The following GGTLC1 variants were observed in gnomAD, a reference collection of about 807,000 sequenced individuals.
The protein encoded by GGTLC1 is gamma-glutamyltransferase light chain 1.
Under a neutral mutation model 19.5 loss-of-function variants are expected in GGTLC1, and 14 were observed. The observed-to-expected ratio is 0.72, with a 90% CI of 0.47 to 1.12. The LOEUF is 1.12. GGTLC1 is among the 50% of genes most tolerant of loss of function. The pLI, the probability that GGTLC1 is intolerant of heterozygous loss-of-function variation, is 0.00. For missense variants in GGTLC1, 304 were observed against 309.2 expected (o/e 0.98, Z 0.13); for synonymous variants, 110 against 124.2 (o/e 0.89, Z 0.76).
rs1987874699 is a variant in GGTLC1 at position 23,985,985 on chromosome 20, T to A, written c.305-11A>T. On this transcript the variant is annotated splice_polypyrimidine_tract_variant and intron_variant, in intron 3 of 5. Transcript: ENST00000335694. ...AGAGCGGCTGCTTCCCTGCGGCCAATGGGAGAAGACAGGGATGCCCGTCAG... is the reference window on the plus strand; with the variant it reads ...AGAGCGGCTGCTTCCCTGCGGCCAAAGGGAGAAGACAGGGATGCCCGTCAG... 3 of 1,611,796 alleles carry A rather than the reference T, an allele frequency of 1.9e-6. No homozygotes were observed. Among genetic ancestry groups the A allele is most frequent in the Non-Finnish European group, 2.5e-6 (3 of 1,179,832 alleles).
At position 23,985,336 on chromosome 20, in the gene GGTLC1, C is replaced by G. The variant is rs1434911964; in HGVS notation, c.558G>C (p.Arg186=). Reference sequence around the variant, plus strand: ...TGGACGTGATCTGGGTGTGATGGTGCCGGGTCTCCAGGGCTGCAGTCACTT... The same window carrying G: ...TGGACGTGATCTGGGTGTGATGGTGGCGGGTCTCCAGGGCTGCAGTCACTT... ...DQEVTAALET[R]HHHTQITSTF... The change falls in exon 6 of 6, where the codon CGG becomes CGC. Residue 186 remains arginine, a synonymous_variant. Coordinates refer to ENST00000335694, the MANE Select transcript of GGTLC1 (RefSeq NM_178311.3). 1 of 1,611,938 alleles carries G rather than the reference C, an allele frequency of 6.2e-7. No individual in the cohort carries two copies. The highest frequency in any genetic ancestry group is 8.5e-7 in the Non-Finnish European group (1 of 1,179,866).
intron 1 of GGTLC1, among the ~76,000 whole-genome samples, chr20:23,987,585 G>T (rs1213468676): frequency 6.6e-6 from 1 of 151,928 alleles, no homozygotes; most frequent in Non-Finnish European, 1.5e-5. Context: ...GCAAGGGCGG[G>T]CTGAGAGATG....
At position 23,986,194 on chromosome 20, in the gene GGTLC1, G is replaced by A. The variant is rs777865788; in HGVS notation, c.186C>T (p.Ser62=). Residue 62 remains serine, a synonymous_variant, in exon 3 of 6, where the codon TCC becomes TCT. Transcript: ENST00000335694. The stretch of plus-strand genomic sequence containing the variant: ...TCCCGCTGACTGGGGAGCGCACCTT[G>A]GAGCCAAAGCTATCGCCCAGCCAGG... ...ATSTINLYFG[S]KVRSPVSGIL... 1 of 1,610,476 alleles carries A rather than the reference G, an allele frequency of 6.2e-7. No homozygotes were observed. Among genetic ancestry groups the A allele is most frequent in the East Asian group, 2.2e-5 (1 of 44,856 alleles).
chr20:23,988,251 T>C (rs1374793745), intron 1 of GGTLC1, among the ~76,000 whole-genome samples: 1 of 151,540 alleles, frequency 6.6e-6, no homozygotes, highest in Non-Finnish European at 1.5e-5. Context: ...TTTCGCTATG[T>C]TGGCCAGGCT....
At chr20:23,986,247 C>A (rs544003351) in intron 2 of GGTLC1, 44 bp from the exon 3 acceptor site, 4 of 1,593,254 alleles carry the variant, frequency 2.5e-6, no homozygotes, top group Admixed American at 1.7e-5. Context: ...TTGCCTGGCC[C>A]AGCCTGGTCC....
Position 23,985,863 on chromosome 20 carries a change from A to G in GGTLC1, c.416T>C (p.Leu139Pro). 1 of 1,612,062 alleles carries G rather than the reference A, an allele frequency of 6.2e-7. No homozygotes were observed. Among genetic ancestry groups the G allele is most frequent in the Non-Finnish European group, 8.5e-7 (1 of 1,179,866 alleles). ...AGGGAGAAAAGGTGTGACACATACC[A>G]GTGCAGTGGCCATGGTGATCTGCGT... ...GGTQITMATALAIIYNLWFGY... is the reference protein window; with the variant it reads ...GGTQITMATAPAIIYNLWFGY... Residue 139 changes from leucine (L) to proline (P), a missense_variant and splice_region_variant, in exon 4 of 6, where the codon CTG becomes CCG. Coordinates refer to ENST00000335694, the MANE Select transcript of GGTLC1 (RefSeq NM_178311.3).
rs1186279470 is a variant in GGTLC1, at chr20:23,986,179, T to C, written c.201A>G (p.Pro67=). ...CATTATTGAGCAGGATCCCGCTGACTGGGGAGCGCACCTTGGAGCCAAAGC... is the reference window on the plus strand; with the variant it reads ...CATTATTGAGCAGGATCCCGCTGACCGGGGAGCGCACCTTGGAGCCAAAGC... The part of the protein sequence containing the change: ...NLYFGSKVRS[P]VSGILLNNEM... Residue 67 remains proline, a synonymous_variant, in exon 3 of 6, where the codon CCA becomes CCG. Coordinates refer to ENST00000335694, the MANE Select transcript of GGTLC1 (RefSeq NM_178311.3). The C allele has an allele frequency of 5.6e-6, 9 of 1,612,738 alleles. No homozygotes were observed. The highest frequency in any genetic ancestry group is 3.3e-5 in the Admixed American group (2 of 59,984).
Position 23,985,091 on chromosome 20 carries a change from C to T in GGTLC1, c.*125G>A. Reference sequence around the variant, plus strand: ...CAGGGAGGCCACCTGGAGCCTGGCACAGTGGCCTCATTTATTGTGCTGCTC... The same window carrying T: ...CAGGGAGGCCACCTGGAGCCTGGCATAGTGGCCTCATTTATTGTGCTGCTC... On this transcript the variant is annotated 3_prime_UTR_variant, in exon 6 of 6. Coordinates refer to ENST00000335694, the MANE Select transcript of GGTLC1 (RefSeq NM_178311.3). 7.0e-7 allele frequency: 1 copy of T among 1,438,778 alleles called. No homozygotes were observed. The highest frequency in any genetic ancestry group is 9.5e-7 in the Non-Finnish European group (1 of 1,049,382). The allele number at this position is 1,438,778 out of a possible 1,614,324, so 89.1% of individuals were successfully genotyped here.
At chr20:23,987,917 C>A (rs1303524548) in intron 1 of GGTLC1, among the ~76,000 whole-genome samples, 5 of 138,444 alleles carry the variant, frequency 3.6e-5, no homozygotes, top group Admixed American at 3.6e-4. Context: ...GGTGTGGTGG[C>A]GGGCGCCTGT....
chr20:23,985,592 T>C (rs1460294394), intron 5 of GGTLC1, 75 bp downstream of exon 5: 3 of 1,608,604 alleles, frequency 1.9e-6, no homozygotes, highest in Non-Finnish European at 2.5e-6. Context: ...GTCCACTCTG[T>C]GATGATCCAG....
chr20:23,986,413 C>G, intron 2 of GGTLC1, 23 bp downstream of exon 2: 1 of 1,610,196 alleles, frequency 6.2e-7, no homozygotes, highest in Non-Finnish European at 8.5e-7. Context: ...CCTTTCCCAC[C>G]CAGGCGGCCC....
Position 23,986,471 on chromosome 20 carries a change from G to A in GGTLC1, c.141C>T (p.Gly47=). The change falls in exon 2 of 6, where the codon GGC becomes GGT. Residue 47 remains glycine, a synonymous_variant. Coordinates refer to ENST00000335694, the MANE Select transcript of GGTLC1 (RefSeq NM_178311.3). ...TAHLSVVAED[G]SAVSATSTIN... The stretch of plus-strand genomic sequence containing the variant: ...TGGTGCTGGTGGCGGACACAGCACT[G>A]CCGTCCTCTGCGACCACAGACAGGT... 1 of 1,611,904 alleles carries A rather than the reference G, an allele frequency of 6.2e-7. No homozygotes were observed. Among genetic ancestry groups the A allele is most frequent in the East Asian group, 2.2e-5 (1 of 44,876 alleles).
In GGTLC1 at chr20:23,985,769, G is replaced by A. The variant is rs1282784687; in HGVS notation, c.429C>T (p.Tyr143=). Reference sequence around the variant, plus strand: ...TCACGTCATAGCCGAACCAGAGGTTGTAGATGATGGCCTGGGGCATGGGAG... The same window carrying A: ...TCACGTCATAGCCGAACCAGAGGTTATAGATGATGGCCTGGGGCATGGGAG... ...ITMATALAII[Y]NLWFGYDVKW... Residue 143 remains tyrosine, a synonymous_variant, in exon 5 of 6, where the codon TAC becomes TAT. Transcript: ENST00000335694. 1 of 1,611,924 alleles carries A rather than the reference G, an allele frequency of 6.2e-7. No individual in the cohort carries two copies. Among genetic ancestry groups the A allele is most frequent in the African/African-American group, 1.3e-5 (1 of 74,866 alleles).
In GGTLC1 at chr20:23,986,503, T is replaced by C. The variant is rs1391090967; in HGVS notation, c.109A>G (p.Thr37Ala). 7 of 1,611,912 alleles carry C rather than the reference T, an allele frequency of 4.3e-6. No individual in the cohort carries two copies. The highest frequency in any genetic ancestry group is 5.9e-6 in the Non-Finnish European group (7 of 1,179,844). The change falls in exon 2 of 6, where the codon ACT (threonine) becomes GCT (alanine). Residue 37 changes from threonine to alanine, a missense_variant. Coordinates refer to ENST00000335694, the MANE Select transcript of GGTLC1 (RefSeq NM_178311.3). ...PEFYMPDDGG[T>A]AHLSVVAEDG... ...TCTGCGACCACAGACAGGTGAGCAG[T>C]GCCCCCGTCATCCGGCATGTAGAAC... is the stretch of plus-strand genomic sequence containing the variant.
intron 1 of GGTLC1, among the ~76,000 whole-genome samples, chr20:23,987,905 CG>C (rs1452231185): frequency 7.0e-6 from 1 of 142,224 alleles, no homozygotes; most frequent in East Asian, 2.1e-4. Flanking sequence ...AAAAATTAGC[CG>C]GGTGTGGTGG....
rs200608114 is a variant in GGTLC1, at chr20:23,986,631, G to A, written c.-20C>T. 8.2e-4 allele frequency: 867 copies of A among 1,059,934 alleles called. 6 individuals carry two copies. The East Asian group carries it at 0.035, about 43-fold the overall frequency. The allele number at this position is 1,059,934 out of a possible 1,614,324, so 65.7% of individuals were successfully genotyped here. A position where few individuals can be genotyped will look rare whatever the true frequency, so the allele number is the denominator to read the frequency against. ...GGTCATGTCGCGGACCACCTGCCGA[G>A]ACCCCAGAGCTGGCCTAGGGAGGTG... On this transcript the variant is annotated 5_prime_UTR_variant, in exon 2 of 6. Coordinates refer to ENST00000335694, the MANE Select transcript of GGTLC1 (RefSeq NM_178311.3).
intron 4 of GGTLC1, 26 bp from the exon 5 acceptor site, chr20:23,985,806 T>C (rs1169363865): frequency 3.1e-6 from 5 of 1,611,832 alleles, no homozygotes; most frequent in Non-Finnish European, 4.2e-6. Context: ...GTGATCAGCA[T>C]GGCTTGGGGG....
In GGTLC1 at chr20:23,985,964, C is replaced by T. The variant is rs781367961; in HGVS notation, c.315G>A (p.Pro105=). 6.7e-5 allele frequency: 108 copies of T among 1,611,864 alleles called. 3 individuals carry two copies. The East Asian group carries it at 2.3e-3, about 34-fold the overall frequency. The change falls in exon 4 of 6, where the codon CCG becomes CCA. Residue 105 remains proline, a synonymous_variant. Transcript: ENST00000335694. ...PANFIQPGKQ[P]LSSMCPTIMV... ...TGATCGTCGGGCACATGGACGAGAGCGGCTGCTTCCCTGCGGCCAATGGGA... is the reference window on the plus strand; with the variant it reads ...TGATCGTCGGGCACATGGACGAGAGTGGCTGCTTCCCTGCGGCCAATGGGA...
intron 1 of GGTLC1, 72 bp from the exon 2 acceptor site, chr20:23,986,717 C>T: frequency 6.5e-7 from 1 of 1,533,034 alleles, no homozygotes. Flanking sequence ...GCTCTGACCA[C>T]AACCCTCTGG....
Sources: gnomAD v4.1 joint callset for allele counts (sites outside exome capture counted in the v4.1 genomes callset) on GRCh38, gnomAD v4.1.1 for gene constraint, MANE v1.5 for transcripts, NCBI Gene and HGNC (gene_info 2026-07-23, HGNC 2026-07-21) for gene names.